The following GALNTL6 variants were observed in gnomAD, a reference collection of about 807,000 sequenced individuals.
GALNTL6 encodes polypeptide N-acetylgalactosaminyltransferase-like 6.
Under a neutral mutation model 73.7 loss-of-function variants are expected in GALNTL6, and 46 were observed. The observed-to-expected ratio is 0.62, with a 90% CI of 0.49 to 0.80. The LOEUF is 0.80. GALNTL6 is among the 30% of genes least tolerant of loss of function. The probability of loss-of-function intolerance (pLI) is 0.00; values close to 1 mark genes in which losing one functional copy is unlikely to be tolerated. For synonymous variants in GALNTL6, 259 were observed against 263.7 expected, an observed-to-expected ratio of 0.98 and a Z score of 0.17; for missense variants, 604 against 755.0, an observed-to-expected ratio of 0.80 and a Z score of 2.34.
intron 7 of GALNTL6, among the ~76,000 whole-genome samples, chr4:172,834,520 G>A (rs1352569728): frequency 6.6e-6 from 1 of 152,244 alleles, no homozygotes; most frequent in Non-Finnish European, 1.5e-5. Context: ...TTGAAGGACT[G>A]TGCCCGAGAG....
In GALNTL6 at chr4:172,959,734, C is replaced by T. The variant is rs531611638; in HGVS notation, c.1371+7476C>T. Among the ~76,000 whole-genome samples, 559 of 152,212 alleles carry T rather than the reference C, an allele frequency of 3.7e-3. 2 individuals carry two copies. The highest frequency in any genetic ancestry group is 0.012 in the African/African-American group (509 of 41,536). On this transcript the variant is annotated intron_variant, in intron 10 of 12. Transcript: ENST00000506823. The stretch of plus-strand genomic sequence containing the variant: ...TGGCTGCCAGGTGAGTTGAACAGTC[C>T]GATTTTCAGTGGGGTCCTGCACAGA...
intron 3 of GALNTL6, among the ~76,000 whole-genome samples, chr4:172,241,042 A>C (rs1737419356): frequency 6.6e-6 from 1 of 152,186 alleles, no homozygotes; most frequent in Admixed American, 6.5e-5. Context: ...TCAGAGGGTC[A>C]AGGTTTTGTT....
intron 5 of GALNTL6, among the ~76,000 whole-genome samples, chr4:172,484,159 G>A (rs1733592031): frequency 6.6e-6 from 1 of 152,094 alleles, no homozygotes; most frequent in African/African-American, 2.4e-5. Flanking sequence ...ATAAACACTT[G>A]TGCTAGATTT....
chr4:172,197,404 C>A (rs527764635), intron 2 of GALNTL6, among the ~76,000 whole-genome samples: 4 of 152,234 alleles, frequency 2.6e-5, no homozygotes, highest in African/African-American at 9.6e-5. Flanking sequence ...TCCCATTAAA[C>A]TACCATTGAC....
Position 172,952,091 on chromosome 4 carries a change from C to T in GALNTL6, c.1204C>T (p.Gln402Ter), listed in dbSNP as rs753980713. 6.2e-7 allele frequency: 1 copy of T among 1,614,126 alleles called. No individual in the cohort carries two copies. Among genetic ancestry groups the T allele is most frequent in the Non-Finnish European group, 8.5e-7 (1 of 1,180,018 alleles). The change falls in exon 10 of 13, where the codon CAG becomes TAG. Residue 402 changes from glutamine to a stop codon, truncating the protein, a stop_gained. Transcript: ENST00000506823. LOFTEE classifies it high-confidence loss of function. ...GGATGAATTTGCCGAGTACATTTAC[C>T]AGCGGCGGCCGGAGTACAGGCATCT... is the stretch of plus-strand genomic sequence containing the variant. ...WMDEFAEYIY[Q>*]RRPEYRHLST...
chr4:171,911,405 G>A (rs1481950340), intron 2 of GALNTL6, among the ~76,000 whole-genome samples: 1 of 152,182 alleles, frequency 6.6e-6, no homozygotes, highest in Non-Finnish European at 1.5e-5. Context: ...ACCTGCCTCG[G>A]CCTCCCAAAG....
At chr4:172,556,298 T>C (rs983339300) in intron 5 of GALNTL6, among the ~76,000 whole-genome samples, 2 of 151,980 alleles carry the variant, frequency 1.3e-5, no homozygotes, top group Non-Finnish European at 2.9e-5. Flanking sequence ...TCCATGATAA[T>C]CACTCTCCAG....
intron 11 of GALNTL6, among the ~76,000 whole-genome samples, chr4:173,016,230 T>G (rs185490863): frequency 5.6e-4 from 86 of 152,302 alleles, no homozygotes; most frequent in African/African-American, 1.9e-3. Flanking sequence ...AAGGGAAATG[T>G]GGGGTTGGAG....
intron 6 of GALNTL6, 88 bp from the exon 7 acceptor site, chr4:172,813,452 G>C (rs1666868157): frequency 9.3e-7 from 1 of 1,076,968 alleles, no homozygotes; most frequent in African/African-American, 1.6e-5. Flanking sequence ...TTATGCATTA[G>C]TGGAGGACTG....
intron 2 of GALNTL6, chr4:171,815,090 C>A: frequency 3.0e-6 from 1 of 334,706 alleles, no homozygotes; most frequent in East Asian, 5.0e-5. Flanking sequence ...TTCCATTTGG[C>A]ATGCATGTCT....
intron 2 of GALNTL6, among the ~76,000 whole-genome samples, chr4:171,854,254 C>T (rs1467902534): frequency 6.6e-6 from 1 of 152,090 alleles, no homozygotes; most frequent in African/African-American, 2.4e-5. Flanking sequence ...TGAGTATTGC[C>T]TGCCTCATAT....
At chr4:172,906,995 T>A (rs751653828) in intron 8 of GALNTL6, among the ~76,000 whole-genome samples, 2 of 152,166 alleles carry the variant, frequency 1.3e-5, no homozygotes, top group East Asian at 3.8e-4. Context: ...ATATTCACAG[T>A]CCTTTCTATA....
intron 5 of GALNTL6, among the ~76,000 whole-genome samples, chr4:172,502,703 A>G (rs1051141895): frequency 2.6e-5 from 4 of 152,248 alleles, no homozygotes; most frequent in African/African-American, 9.6e-5. Flanking sequence ...TTTAGTAAAG[A>G]CATAAAGAAG....
At chr4:172,690,931 G>A (rs1159016812) in intron 5 of GALNTL6, among the ~76,000 whole-genome samples, 1 of 152,156 alleles carries the variant, frequency 6.6e-6, no homozygotes, top group Non-Finnish European at 1.5e-5. Flanking sequence ...TCTGTAGAGG[G>A]AGTATTGTAG....
At chr4:172,651,902 C>T (rs570294155) in intron 5 of GALNTL6, among the ~76,000 whole-genome samples, 52 of 152,266 alleles carry the variant, frequency 3.4e-4, no homozygotes, top group African/African-American at 1.2e-3. Flanking sequence ...TCTGCAACTC[C>T]GAATTCATAC....
chr4:172,791,742 AAT>A, intron 5 of GALNTL6, among the ~76,000 whole-genome samples: 1 of 152,168 alleles, frequency 6.6e-6, no homozygotes, highest in Admixed American at 6.5e-5. Flanking sequence ...GGTTCTATGA[AAT>A]GCCCCTTTCT....
At chr4:172,277,400 A>C (rs1340166155) in intron 3 of GALNTL6, among the ~76,000 whole-genome samples, 2 of 152,142 alleles carry the variant, frequency 1.3e-5, no homozygotes, top group Non-Finnish European at 2.9e-5. Flanking sequence ...AAGCAGGTTC[A>C]ATCTTAGCAA....
intron 2 of GALNTL6, among the ~76,000 whole-genome samples, chr4:172,160,891 GAC>G (rs770975013): frequency 0.029 from 3,196 of 110,778 alleles, 36 homozygotes; most frequent in Non-Finnish European, 0.039. Context: ...TATATATATA[GAC>G]ACACACACAC....
intron 2 of GALNTL6, among the ~76,000 whole-genome samples, chr4:172,089,150 G>GT (rs1284184673): frequency 6.6e-6 from 1 of 152,142 alleles, no homozygotes; most frequent in African/African-American, 2.4e-5. Flanking sequence ...TTAGGAGATG[G>GT]TAGTGCAGAT....
Sources: gnomAD v4.1 joint callset for allele counts (sites outside exome capture counted in the v4.1 genomes callset) on GRCh38, gnomAD v4.1.1 for gene constraint, MANE v1.5 for transcripts, NCBI Gene and HGNC (gene_info 2026-07-23, HGNC 2026-07-21) for gene names.